Variants in ULK4 observed in about 807,000 individuals in gnomAD.
ULK4 encodes the protein unc-51 like kinase 4.
ULK4 carries 133 observed loss-of-function variants against 160.6 expected under a neutral mutation model. The ratio of observed to expected loss-of-function variants is 0.83; its 90% CI spans 0.72 to 0.96. The LOEUF is 0.96. ULK4 is among the 40% of genes least tolerant of loss of function. ULK4 has a pLI of 0.00. For missense variants in ULK4, 1,580 were observed against 1,499.5 expected, an observed-to-expected ratio of 1.05 and a Z score of -0.89; for synonymous variants, 534 against 539.8, an observed-to-expected ratio of 0.99 and a Z score of 0.15.
At chr3:41,665,660 T>A (rs559629074) in intron 29 of ULK4, among the ~76,000 whole-genome samples, 208 of 152,258 alleles carry the variant, frequency 1.4e-3, no homozygotes, top group Non-Finnish European at 2.2e-3. Flanking sequence ...AGGAAATGAG[T>A]TAATATATTT....
intron 29 of ULK4, among the ~76,000 whole-genome samples, chr3:41,678,656 C>T (rs1036176343): frequency 1.3e-5 from 2 of 152,178 alleles, no homozygotes. Context: ...GAATTGGGTG[C>T]TATTGTTTGC....
intron 35 of ULK4, among the ~76,000 whole-genome samples, chr3:41,352,464 C>T (rs1559539570): frequency 6.6e-6 from 1 of 152,194 alleles, no homozygotes; most frequent in Non-Finnish European, 1.5e-5. Flanking sequence ...CTGATGTTCT[C>T]ATGGAGGAAT....
At chr3:41,834,831 C>T (rs2125652303) in intron 18 of ULK4, among the ~76,000 whole-genome samples, 1 of 152,308 alleles carries the variant, frequency 6.6e-6, no homozygotes, top group South Asian at 2.1e-4. Context: ...ATCACTTCAG[C>T]CTAGGAATTC....
At chr3:41,874,326 A>G (rs563792856) in intron 17 of ULK4, among the ~76,000 whole-genome samples, 1 of 152,350 alleles carries the variant, frequency 6.6e-6, no homozygotes, top group South Asian at 2.1e-4. Flanking sequence ...TAGAGTTTCC[A>G]AAAGCACACA....
chr3:41,768,642 G>A (rs997955555), intron 21 of ULK4, among the ~76,000 whole-genome samples: 10 of 152,138 alleles, frequency 6.6e-5, no homozygotes, highest in African/African-American at 1.2e-4. Flanking sequence ...CATCTGGAAC[G>A]GATATTCCCA....
chr3:41,902,563 G>C (rs1254100510), intron 12 of ULK4, among the ~76,000 whole-genome samples: 1 of 132,680 alleles, frequency 7.5e-6, no homozygotes, highest in African/African-American at 2.9e-5. Flanking sequence ...AGGTGACAAA[G>C]CGAGACTCCA....
At chr3:41,677,517 G>A (rs1008107258) in intron 29 of ULK4, among the ~76,000 whole-genome samples, 4 of 151,674 alleles carry the variant, frequency 2.6e-5, no homozygotes, top group African/African-American at 7.3e-5. Flanking sequence ...ATCTTTAGTA[G>A]AGACCAGGTT....
intron 5 of ULK4, among the ~76,000 whole-genome samples, chr3:41,921,765 A>T (rs1361090090): frequency 6.6e-6 from 1 of 152,246 alleles, no homozygotes; most frequent in Non-Finnish European, 1.5e-5. Context: ...TTATGCAAAA[A>T]ATATTATGAA....
chr3:41,663,220 C>CAA (rs1027169039), intron 30 of ULK4, among the ~76,000 whole-genome samples: 3 of 133,154 alleles, frequency 2.3e-5, no homozygotes, highest in African/African-American at 8.3e-5. Context: ...GACTCCATCT[C>CAA]AAAAAAAAAA....
At chr3:41,840,892 C>T (rs576322159) in intron 17 of ULK4, among the ~76,000 whole-genome samples, 27 of 151,164 alleles carry the variant, frequency 1.8e-4, no homozygotes, top group Admixed American at 5.3e-4. Flanking sequence ...AAGTGAGGAG[C>T]GCCTCTGCCC....
intron 35 of ULK4, among the ~76,000 whole-genome samples, chr3:41,315,636 G>T (rs988904049): frequency 1.3e-5 from 2 of 152,076 alleles, no homozygotes; most frequent in African/African-American, 4.8e-5. Flanking sequence ...TACCTTCCCG[G>T]CTCGGCACTA....
intron 2 of ULK4, among the ~76,000 whole-genome samples, chr3:41,946,725 A>C (rs2148836193): frequency 6.6e-6 from 1 of 152,242 alleles, no homozygotes; most frequent in South Asian, 2.1e-4. Flanking sequence ...TCATGGTGAG[A>C]TAGTTTCTCT....
rs542632252 is a variant in ULK4 at position 41,717,841 on chromosome 3, C to G, written c.2342G>C (p.Arg781Thr). 6.2e-7 allele frequency: 1 copy of G among 1,614,080 alleles called. No individual in the cohort carries two copies. Among genetic ancestry groups the G allele is most frequent in the South Asian group, 1.1e-5 (1 of 91,062 alleles). The change falls in exon 23 of 37, where the codon AGA (arginine) becomes ACA (threonine). Residue 781 changes from arginine (R) to threonine (T), a missense_variant. Coordinates refer to ENST00000301831, the MANE Select transcript of ULK4 (RefSeq NM_017886.4). ...CQARLVMYIE[R>T]DSRKTTPGKE... ...GCCTGGAGTGGTCTTTCTGCTGTCT[C>G]TCTCGATGTACATCACCAGTCTACA...
intron 35 of ULK4, among the ~76,000 whole-genome samples, chr3:41,288,548 A>G (rs562075145): frequency 6.6e-6 from 1 of 152,326 alleles, no homozygotes; most frequent in Admixed American, 6.5e-5. Context: ...GCTATAGCCC[A>G]AAAGAGCAGG....
At chr3:41,871,446 T>G (rs1697088912) in intron 17 of ULK4, among the ~76,000 whole-genome samples, 1 of 152,198 alleles carries the variant, frequency 6.6e-6, no homozygotes, top group East Asian at 1.9e-4. Context: ...GGCCAAAATG[T>G]TTCCAGAGTA....
chr3:41,768,056 A>G (rs1451076073), intron 21 of ULK4, among the ~76,000 whole-genome samples: 1 of 152,142 alleles, frequency 6.6e-6, no homozygotes, highest in Non-Finnish European at 1.5e-5. Context: ...ACAGATTCTC[A>G]TAGGAGTGTG....
intron 17 of ULK4, among the ~76,000 whole-genome samples, chr3:41,836,793 C>G (rs1429682139): frequency 6.6e-6 from 1 of 152,152 alleles, no homozygotes; most frequent in Admixed American, 6.6e-5. Flanking sequence ...TTTATCAGAT[C>G]TAGTTAATGT....
chr3:41,492,066 A>C (rs931090998), intron 32 of ULK4, among the ~76,000 whole-genome samples: 11 of 151,778 alleles, frequency 7.2e-5, no homozygotes, highest in Admixed American at 1.3e-4. Context: ...TGAACTCATC[A>C]TTTTTTATGG....
At chr3:41,317,134 G>C (rs1274704593) in intron 35 of ULK4, among the ~76,000 whole-genome samples, 2 of 131,548 alleles carry the variant, frequency 1.5e-5, no homozygotes, top group African/African-American at 5.9e-5. Flanking sequence ...GGACTGCAGT[G>C]GCGCAATCTC....
Sources: gnomAD v4.1 joint callset for allele counts (sites outside exome capture counted in the v4.1 genomes callset) on GRCh38, gnomAD v4.1.1 for gene constraint, MANE v1.5 for transcripts, NCBI Gene and HGNC (gene_info 2026-07-23, HGNC 2026-07-21) for gene names.